The following SETBP1 variants were observed in gnomAD, a reference collection of about 807,000 sequenced individuals.
The protein encoded by SETBP1 is SET-binding protein.
In SETBP1, 9 loss-of-function variants were observed where a neutral mutation model predicts 101.0. The ratio of observed to expected loss-of-function variants is 0.09; its 90% confidence interval spans 0.05 to 0.16. SETBP1 has a LOEUF of 0.16. Among genes scored for constraint, SETBP1 ranks in the 10% least tolerant of loss-of-function variants. The probability of loss-of-function intolerance (pLI) is 1.00; values close to 1 mark genes in which losing one functional copy is unlikely to be tolerated. For missense variants in SETBP1, 1,858 were observed against 2,033.8 expected, an observed-to-expected ratio of 0.91 and a Z score of 1.66; for synonymous variants, 818 against 788.5, an observed-to-expected ratio of 1.04 and a Z score of -0.63.
intron 4 of SETBP1, among the ~76,000 whole-genome samples, chr18:45,037,086 G>C (rs1176338178): frequency 1.3e-5 from 2 of 152,188 alleles, no homozygotes; most frequent in African/African-American, 4.8e-5. Flanking sequence ...GTGTTACTCT[G>C]GGAGGGGACT....
At chr18:44,758,617 C>T (rs1415663061) in intron 2 of SETBP1, among the ~76,000 whole-genome samples, 8 of 151,994 alleles carry the variant, frequency 5.3e-5, no homozygotes, top group African/African-American at 1.7e-4. Flanking sequence ...CTCCTGACCT[C>T]GTGATCCACC....
At chr18:44,752,090 C>A (rs11877480) in intron 2 of SETBP1, among the ~76,000 whole-genome samples, 107,231 of 152,068 alleles carry the variant, frequency 0.71, 37,949 homozygotes, top group African/African-American at 0.72. Flanking sequence ...AACACAATGA[C>A]GTCTATAGAA....
At position 44,952,241 on chromosome 18, in the gene SETBP1, C is replaced by A; in HGVS notation, c.2901C>A (p.Phe967Leu). The change falls in exon 4 of 6, where the codon TTC becomes TTA. Residue 967 changes from phenylalanine (F) to leucine (L), a missense_variant. Phe to Leu is a conservative substitution (Grantham distance 22). Coordinates refer to ENST00000649279, the MANE Select transcript of SETBP1 (RefSeq NM_015559.3). ...AGCTAATCACCAAGTTCCAAGTGTT[C>A]AGAATCTCCCACCGGAGTTACACCT... ...LEELITKFQV[F>L]RISHRSYTFY... 6.2e-7 allele frequency: 1 copy of A among 1,614,118 alleles called. No individual in the cohort carries two copies. Among genetic ancestry groups the A allele is most frequent in the Non-Finnish European group, 8.5e-7 (1 of 1,180,010 alleles).
chr18:45,060,019 T>C (rs549007063), intron 5 of SETBP1, among the ~76,000 whole-genome samples: 25 of 152,378 alleles, frequency 1.6e-4, no homozygotes, highest in African/African-American at 5.3e-4. Flanking sequence ...GTAAGTAGTA[T>C]ACTTAAACAT....
chr18:45,013,323 C>G (rs2072876759), intron 4 of SETBP1, among the ~76,000 whole-genome samples: 1 of 152,204 alleles, frequency 6.6e-6, no homozygotes, highest in African/African-American at 2.4e-5. Context: ...TGGGAATTTG[C>G]TCTCAAACAA....
intron 3 of SETBP1, among the ~76,000 whole-genome samples, chr18:44,900,278 G>C (rs2070011684): frequency 6.6e-6 from 1 of 152,154 alleles, no homozygotes; most frequent in African/African-American, 2.4e-5. Flanking sequence ...AACACATCCT[G>C]CCAGTGATTC....
chr18:44,797,551 C>T (rs2071505911), intron 2 of SETBP1, among the ~76,000 whole-genome samples: 3 of 152,168 alleles, frequency 2.0e-5, no homozygotes, highest in South Asian at 4.1e-4. Context: ...GAGGTGGCCC[C>T]ATCCAGGCTG....
intron 2 of SETBP1, among the ~76,000 whole-genome samples, chr18:44,807,064 C>T (rs1191692905): frequency 2.0e-5 from 3 of 152,066 alleles, no homozygotes; most frequent in African/African-American, 7.2e-5. Context: ...ATCTTCACCC[C>T]CTAACTACAC....
chr18:44,795,703 A>G (rs1023636019), intron 2 of SETBP1, among the ~76,000 whole-genome samples: 1 of 152,238 alleles, frequency 6.6e-6, no homozygotes, highest in Admixed American at 6.5e-5. Flanking sequence ...AATTTTGAAC[A>G]TTTAAAATCA....
intron 2 of SETBP1, among the ~76,000 whole-genome samples, chr18:44,706,770 T>C (rs1335369304): frequency 1.3e-5 from 2 of 151,978 alleles, no homozygotes; most frequent in Non-Finnish European, 2.9e-5. Context: ...ATGGATGCCA[T>C]ACAGTGACTC....
chr18:44,849,795 G>A (rs1000512436), intron 2 of SETBP1, among the ~76,000 whole-genome samples: 3 of 152,082 alleles, frequency 2.0e-5, no homozygotes, highest in African/African-American at 7.2e-5. Flanking sequence ...ATGGAATTAC[G>A]GTGTCTATTC....
intron 2 of SETBP1, among the ~76,000 whole-genome samples, chr18:44,860,868 A>T (rs1047090734): frequency 6.6e-6 from 1 of 152,212 alleles, no homozygotes; most frequent in African/African-American, 2.4e-5. Flanking sequence ...ATCCACTCCT[A>T]GTAGGAGACG....
intron 2 of SETBP1, among the ~76,000 whole-genome samples, chr18:44,797,602 G>C (rs574696007): frequency 5.7e-4 from 86 of 152,166 alleles, no homozygotes; most frequent in African/African-American, 2.0e-3. Flanking sequence ...AATTCTCTTG[G>C]CGAAAATGGT....
chr18:44,742,747 T>C (rs994375051), intron 2 of SETBP1, among the ~76,000 whole-genome samples: 1 of 152,192 alleles, frequency 6.6e-6, no homozygotes, highest in Non-Finnish European at 1.5e-5. Context: ...TCTCCCTAAG[T>C]ATGTCCCAGG....
chr18:45,026,228 G>C (rs1023393330), intron 4 of SETBP1, among the ~76,000 whole-genome samples: 61 of 152,184 alleles, frequency 4.0e-4, no homozygotes, highest in African/African-American at 1.4e-3. Flanking sequence ...CTGTTTCTAA[G>C]CCATGCTGTG....
intron 2 of SETBP1, among the ~76,000 whole-genome samples, chr18:44,830,339 G>T (rs75087516): frequency 6.6e-6 from 1 of 152,232 alleles, no homozygotes; most frequent in African/African-American, 2.4e-5. Flanking sequence ...CTAAATTCTT[G>T]TGCAAAACAG....
chr18:44,964,251 C>T (rs2071674443), intron 4 of SETBP1, among the ~76,000 whole-genome samples: 1 of 152,042 alleles, frequency 6.6e-6, no homozygotes, highest in South Asian at 2.1e-4. Context: ...TATTGAGTGC[C>T]TAATATTTGT....
At chr18:44,687,475 G>T (rs1276742637) in intron 1 of SETBP1, among the ~76,000 whole-genome samples, 1 of 152,168 alleles carries the variant, frequency 6.6e-6, no homozygotes, top group Admixed American at 6.5e-5. Flanking sequence ...ATAGAATTGG[G>T]GGGAGCACTT....
In SETBP1 at chr18:45,066,951, C is replaced by T. The variant is rs1205851425; in HGVS notation, c.*3253C>T. On this transcript the variant is annotated 3_prime_UTR_variant, in exon 6 of 6. Transcript: ENST00000649279. ...GGAAGAGCTACTTGCTCTTCCACCC[C>T]TCATCTCAAATGAGAGGAGCAGAAG... 2.0e-5 allele frequency: 3 copies of T among 152,192 alleles called. No individual in the cohort carries two copies. Among genetic ancestry groups the T allele is most frequent in the Admixed American group, 6.5e-5 (1 of 15,296 alleles). 9.4% of individuals were successfully genotyped at this position (152,192 alleles called of 1,614,324 possible).
Sources: gnomAD v4.1 joint callset for allele counts (sites outside exome capture counted in the v4.1 genomes callset) on GRCh38, gnomAD v4.1.1 for gene constraint, MANE v1.5 for transcripts, NCBI Gene and HGNC (gene_info 2026-07-23, HGNC 2026-07-21) for gene names.